ZNF600: variants seen among roughly 807,000 people sequenced by gnomAD.
The protein encoded by ZNF600 is zinc finger protein KR-ZNF1.
A neutral mutation model predicts 7.3 loss-of-function variants in ZNF600; 4 were observed. The observed-to-expected ratio is 0.55, with a 90% CI of 0.27 to 1.25. The LOEUF is 1.25. ZNF600 is among the 50% of genes most tolerant of loss of function. The probability of loss-of-function intolerance (pLI) is 0.12; values close to 1 mark genes in which losing one functional copy is unlikely to be tolerated. For synonymous variants in ZNF600, 290 were observed against 308.9 expected, an observed-to-expected ratio of 0.94 and a Z score of 0.64; for missense variants, 911 against 922.1, an observed-to-expected ratio of 0.99 and a Z score of 0.16.
At chr19:52,804,621 G>A in the ZNF600 span, among the ~76,000 whole-genome samples, 2 of 152,152 alleles carry the variant, frequency 1.3e-5, no homozygotes, top group African/African-American at 2.4e-5. Context: ...TCAACCGATC[G>A]CAGTCTCCCA....
chr19:52,825,648 G>A, the ZNF600 span, among the ~76,000 whole-genome samples: 1 of 152,018 alleles, frequency 6.6e-6, no homozygotes, highest in African/African-American at 2.4e-5. Context: ...TTGACAGGGT[G>A]AGACACCGGT....
At chr19:52,833,619 A>G in the ZNF600 span, among the ~76,000 whole-genome samples, 3 of 152,146 alleles carry the variant, frequency 2.0e-5, no homozygotes, top group African/African-American at 7.2e-5. Flanking sequence ...GAGTCTTTAG[A>G]AATCAATCCT....
the ZNF600 span, chr19:52,800,720 C>T: frequency 3.1e-5 from 50 of 1,607,242 alleles, no homozygotes; most frequent in Non-Finnish European, 3.8e-5. Flanking sequence ...CAGTATGAAG[C>T]CTACGATGGC....
chr19:52,804,118 G>A, the ZNF600 span, among the ~76,000 whole-genome samples: 1,033 of 152,260 alleles, frequency 6.8e-3, 20 homozygotes, highest in African/African-American at 0.024. Flanking sequence ...ATTAAAGAGC[G>A]TGTTGCCTGT....
chr19:52,801,702 T>C, the ZNF600 span: 1 of 1,610,086 alleles, frequency 6.2e-7, no homozygotes, highest in Non-Finnish European at 8.5e-7. Context: ...GGAAGAGATA[T>C]CTACAAAATA....
At chr19:52,781,353 G>GGGA (rs1259880052) in intron 1 of ZNF600, 1 of 152,036 alleles carries the variant, frequency 6.6e-6, no homozygotes, top group East Asian at 1.9e-4. Flanking sequence ...GGCTCACAGT[G>GGGA]GGAGACATTT....
At chr19:52,829,740 C>T in the ZNF600 span, among the ~76,000 whole-genome samples, 2 of 151,948 alleles carry the variant, frequency 1.3e-5, no homozygotes, top group African/African-American at 4.8e-5. Context: ...TCAAACTCCT[C>T]GCCTCAAGCG....
At chr19:52,766,238 G>A (rs200934315) in exon 4 of ZNF600, 13 of 1,613,906 alleles carry the variant, frequency 8.1e-6, no homozygotes, top group East Asian at 4.5e-5. Context: ...TCAGACGGAA[G>A]GTCTTGCTGC....
intron 3 of ZNF600, among the ~76,000 whole-genome samples, chr19:52,774,261 C>A (rs1388281588): frequency 6.6e-6 from 1 of 151,526 alleles, no homozygotes; most frequent in African/African-American, 2.4e-5. Flanking sequence ...GAAACCCCGT[C>A]TCTACTGAAA....
the ZNF600 span, chr19:52,800,593 T>C: frequency 6.2e-7 from 1 of 1,613,896 alleles, no homozygotes; most frequent in African/African-American, 1.3e-5. Context: ...GCAAAAGCCT[T>C]GTCACAAACC....
chr19:52,778,139 GAGT>G (rs1397324245), intron 2 of ZNF600, among the ~76,000 whole-genome samples: 3 of 149,020 alleles, frequency 2.0e-5, no homozygotes, highest in Non-Finnish European at 4.4e-5. Context: ...TCAGCCTCCT[GAGT>G]AGATGAGATT....
At chr19:52,829,215 T>C in the ZNF600 span, among the ~76,000 whole-genome samples, 29 of 46,322 alleles carry the variant, frequency 6.3e-4, no homozygotes, top group Non-Finnish European at 1.9e-3. Context: ...TTTATTTTAT[T>C]TTATTTTATT....
chr19:52,807,496 CAG>C, the ZNF600 span, among the ~76,000 whole-genome samples: 5 of 152,142 alleles, frequency 3.3e-5, no homozygotes, highest in East Asian at 1.9e-4. Flanking sequence ...TTTTTTGAGA[CAG>C]AGTCTTGCTC....
At chr19:52,771,289 T>C (rs9749569) in intron 3 of ZNF600, among the ~76,000 whole-genome samples, 3,471 of 152,200 alleles carry the variant, frequency 0.023, 149 homozygotes, top group African/African-American at 0.077. Context: ...GGATTTCCCA[T>C]TTTCCAGATT....
At chr19:52,765,922 A>G in exon 4 of ZNF600, 1 of 1,614,144 alleles carries the variant, frequency 6.2e-7, no homozygotes, top group Non-Finnish European at 8.5e-7. Flanking sequence ...CATTCATTAC[A>G]CTTGTAAGGT....
chr19:52,792,720 TTTTA>T, the ZNF600 span, among the ~76,000 whole-genome samples: 57 of 151,774 alleles, frequency 3.8e-4, 1 homozygote, highest in Admixed American at 1.4e-3. Flanking sequence ...TCAATCCTCT[TTTTA>T]TTTATTTATT....
At chr19:52,792,889 C>A in the ZNF600 span, among the ~76,000 whole-genome samples, 1 of 151,756 alleles carries the variant, frequency 6.6e-6, no homozygotes, top group Admixed American at 6.6e-5. Flanking sequence ...CCCACCGCCA[C>A]GCCCAACTAA....
At chr19:52,812,570 T>A in the ZNF600 span, among the ~76,000 whole-genome samples, 4 of 125,090 alleles carry the variant, frequency 3.2e-5, no homozygotes, top group Non-Finnish European at 6.7e-5. Flanking sequence ...GAAGGCAGCA[T>A]GCTCCTTAAG....
upstream of ZNF600, chr19:52,786,914 C>T (rs993815519): frequency 6.1e-6 from 1 of 164,246 alleles, no homozygotes; most frequent in African/African-American, 2.4e-5. Flanking sequence ...GCTTCTCAGC[C>T]TCGCACTCAG....
Sources: gnomAD v4.1 joint callset for allele counts (sites outside exome capture counted in the v4.1 genomes callset) on GRCh38, gnomAD v4.1.1 for gene constraint, MANE v1.5 for transcripts, NCBI Gene and HGNC (gene_info 2026-07-23, HGNC 2026-07-21) for gene names.